The following ACOX3 variants were observed in gnomAD, a reference collection of about 807,000 sequenced individuals.
ACOX3 encodes acyl-CoA oxidase 3, pristanoyl.
In ACOX3, 73 loss-of-function variants were observed where a neutral mutation model predicts 81.5. The observed-to-expected ratio is 0.90, with a 90% CI of 0.74 to 1.09. The LOEUF (loss-of-function observed/expected upper bound fraction) is 1.09, where lower values mean the gene tolerates loss of function less well. Among genes scored for constraint, ACOX3 ranks in the 50% least tolerant of loss-of-function variants. ACOX3 has a pLI of 0.00. For missense variants in ACOX3, 947 were observed against 928.0 expected, an observed-to-expected ratio of 1.02 and a Z score of -0.27; for synonymous variants, 387 against 375.1, an observed-to-expected ratio of 1.03 and a Z score of -0.37.
rs767535582 is a variant in ACOX3, at chr4:8,410,963, T to A, written c.544-608A>T. Among the ~76,000 whole-genome samples the A allele has an allele frequency of 2.0e-5, 3 of 152,220 alleles. No homozygotes were observed. In the South Asian group the frequency reaches 6.2e-4, roughly 32 times the overall value. ...GTTCGGTGTTTGGCTAGAAGGGGTG[T>A]GGACAGATCCCCAAGGAACACTGAG... On this transcript the variant is annotated intron_variant, in intron 5 of 17. Transcript: ENST00000356406.
rs1720866285 is a variant in ACOX3, at chr4:8,405,784, A to G, written c.776+171T>C. Among the ~76,000 whole-genome samples, 1 of 152,194 alleles carries G rather than the reference A, an allele frequency of 6.6e-6. No individual in the cohort carries two copies. Among genetic ancestry groups the G allele is most frequent in the African/African-American group, 2.4e-5 (1 of 41,444 alleles). On this transcript the variant is annotated intron_variant, in intron 7 of 17. Coordinates refer to ENST00000356406, the MANE Select transcript of ACOX3 (RefSeq NM_003501.3). This position sits in a 1 kb window ranked among gnomAD's most constrained non-coding sequence, Gnocchi z 7.1. ...AAGTTGGCCTCCCAAAGTGGAGTTC[A>G]AGCAGGACGTGGCCAGTGCATGCAC...
chr4:8,409,174 A>C (rs754972387), intron 6 of ACOX3, among the ~76,000 whole-genome samples: 2 of 152,266 alleles, frequency 1.3e-5, no homozygotes, highest in Non-Finnish European at 1.5e-5. Context: ...CATGAGCAAC[A>C]AAAGAAAAAA....
At chr4:8,363,808 T>C (rs570786313), downstream of ACOX3, among the ~76,000 whole-genome samples, 6 of 152,012 alleles carry the variant, frequency 3.9e-5, no homozygotes, top group Non-Finnish European at 5.9e-5. Flanking sequence ...AACCTCTCGT[T>C]GTCCTCACTG....
chr4:8,377,750 T>C (rs917004632), intron 14 of ACOX3, among the ~76,000 whole-genome samples: 2 of 152,140 alleles, frequency 1.3e-5, no homozygotes, highest in African/African-American at 4.8e-5. Context: ...ACCACAGCAT[T>C]AACCAAGGTG....
chr4:8,391,961 G>T (rs991665517), intron 11 of ACOX3, among the ~76,000 whole-genome samples: 5 of 152,238 alleles, frequency 3.3e-5, no homozygotes, highest in African/African-American at 9.6e-5. Context: ...AAATTCAAAT[G>T]AGCAGATCAG....
Position 8,389,718 on chromosome 4 carries a change from G to A in ACOX3, c.1317C>T (p.Val439=), listed in dbSNP as rs375898726. ...AGTTGGGATCGTTGTCATCTCTAAG[G>A]ACACCCAACCGGTTCACTGCAACAA... ...HGYLAMNRLG[V]LRDDNDPNCT... is the part of the protein sequence containing the mutation. Residue 439 remains valine (V), a synonymous_variant, in exon 12 of 18, where the codon GTC becomes GTT. Transcript: ENST00000356406. This position sits in a 1 kb window ranked among gnomAD's most constrained non-coding sequence, Gnocchi z 5.3. 43 of 1,613,830 alleles carry A rather than the reference G, an allele frequency of 2.7e-5. No individual in the cohort carries two copies. The highest frequency in any genetic ancestry group is 3.6e-5 in the Non-Finnish European group (42 of 1,179,980).
chr4:8,421,727 C>T (rs915714303), intron 1 of ACOX3, among the ~76,000 whole-genome samples: 1 of 152,170 alleles, frequency 6.6e-6, no homozygotes, highest in African/African-American at 2.4e-5. Flanking sequence ...GGGTATGAAC[C>T]CAGGGAGTCT....
intron 14 of ACOX3, among the ~76,000 whole-genome samples, chr4:8,377,437 A>G (rs1213333830): frequency 6.6e-6 from 1 of 151,744 alleles, no homozygotes; most frequent in Non-Finnish European, 1.5e-5. Flanking sequence ...AGTGCCAGTG[A>G]GTTTTGAAAC....
At chr4:8,436,807 C>A (rs2631728) in intron 1 of ACOX3, among the ~76,000 whole-genome samples, 51,592 of 148,984 alleles carry the variant, frequency 0.35, 9,757 homozygotes, top group South Asian at 0.46. Context: ...CATGGTGAAA[C>A]CCTGTCTCTA....
At chr4:8,435,053 AT>A in intron 1 of ACOX3, among the ~76,000 whole-genome samples, 1 of 152,344 alleles carries the variant, frequency 6.6e-6, no homozygotes, top group East Asian at 1.9e-4. Flanking sequence ...TTAAAAAAAA[AT>A]TTCAAGAAGA....
At chr4:8,374,942 T>C in intron 15 of ACOX3, 36 bp downstream of exon 15, 1 of 1,466,082 alleles carries the variant, frequency 6.8e-7, no homozygotes, top group South Asian at 1.4e-5. Context: ...GCCCTGACTC[T>C]GGGGAGGACA....
chr4:8,434,400 G>A (rs1486837955), intron 1 of ACOX3, among the ~76,000 whole-genome samples: 3 of 152,252 alleles, frequency 2.0e-5, no homozygotes, highest in African/African-American at 4.8e-5. Flanking sequence ...TTCCCTGACT[G>A]AGAAGCGAGG....
At chr4:8,427,278 C>T (rs1000905105) in intron 1 of ACOX3, among the ~76,000 whole-genome samples, 3 of 152,352 alleles carry the variant, frequency 2.0e-5, no homozygotes, top group Middle Eastern at 3.4e-3. Context: ...CAAGCCGAAT[C>T]GGGCAACCCT....
chr4:8,365,144 A>C (rs1715338617), downstream of ACOX3, among the ~76,000 whole-genome samples: 1 of 152,176 alleles, frequency 6.6e-6, no homozygotes, highest in Non-Finnish European at 1.5e-5. Flanking sequence ...TGGGACCCCC[A>C]GGCAGTGGGG....
At position 8,400,824 on chromosome 4, in the gene ACOX3, G is replaced by C. The variant is rs563707512; in HGVS notation, c.777-1172C>G. ...TGGAAGACAATTTTTCCACGAATGAGGGGGAGGTGGGAGTGGTTTCGGGAT... is the reference window on the plus strand; with the variant it reads ...TGGAAGACAATTTTTCCACGAATGACGGGGAGGTGGGAGTGGTTTCGGGAT... On this transcript the variant is annotated intron_variant, in intron 7 of 17. Coordinates refer to ENST00000356406, the MANE Select transcript of ACOX3 (RefSeq NM_003501.3). The surrounding 1 kb of genome is among the most constrained non-coding windows in gnomAD (Gnocchi z 4.4). Among the ~76,000 whole-genome samples the C allele has an allele frequency of 4.6e-5, 7 of 152,316 alleles. No homozygotes were observed. The South Asian group carries it at 1.5e-3, about 32-fold the overall frequency.
At chr4:8,410,854 G>T (rs569379179) in intron 5 of ACOX3, among the ~76,000 whole-genome samples, 96 of 152,352 alleles carry the variant, frequency 6.3e-4, no homozygotes, top group African/African-American at 2.2e-3. Flanking sequence ...AATGCCCCGA[G>T]CACAAGGCAG....
chr4:8,396,882 G>A (rs753759499), intron 9 of ACOX3, 55 bp downstream of exon 9: 6 of 1,568,432 alleles, frequency 3.8e-6, no homozygotes, highest in Non-Finnish European at 4.3e-6. Flanking sequence ...TGTAAAAGAA[G>A]TGAATTTGCA....
At position 8,405,524 on chromosome 4, in the gene ACOX3, C is replaced by A. The variant is rs929808677; in HGVS notation, c.776+431G>T. Among the ~76,000 whole-genome samples, 1 of 152,236 alleles carries A rather than the reference C, an allele frequency of 6.6e-6. No individual in the cohort carries two copies. The highest frequency in any genetic ancestry group is 1.5e-5 in the Non-Finnish European group (1 of 68,052). On this transcript the variant is annotated intron_variant, in intron 7 of 17. Coordinates refer to ENST00000356406, the MANE Select transcript of ACOX3 (RefSeq NM_003501.3). The surrounding 1 kb of genome is among the most constrained non-coding windows in gnomAD (Gnocchi z 7.1). ...TAAGTGCTGTGACACTGGGATTACC[C>A]GGAAAGGAGCAAGCCTACTCTGGAG... is the stretch of plus-strand genomic sequence containing the variant.
chr4:8,389,351 T>G lies in ACOX3; in HGVS notation c.1424-65A>C. The G allele has an allele frequency of 1.3e-6, 2 of 1,496,050 alleles. No homozygotes were observed. The highest frequency in any genetic ancestry group is 1.8e-6 in the Non-Finnish European group (2 of 1,092,560). 92.7% of individuals were successfully genotyped at this position (1,496,050 alleles called of 1,614,324 possible). A position where few individuals can be genotyped will look rare whatever the true frequency, so the allele number is the denominator to read the frequency against. On this transcript the variant is annotated intron_variant, in intron 12 of 17. Coordinates refer to ENST00000356406, the MANE Select transcript of ACOX3 (RefSeq NM_003501.3). The surrounding 1 kb of genome is among the most constrained non-coding windows in gnomAD (Gnocchi z 5.3). ...ACCCAAACCATTGGGAACCCCAAGC[T>G]GGGGGCACCCCAAAGCACAGAGAGT...
Sources: allele counts gnomAD v4.1 joint callset (sites outside exome capture counted in the v4.1 genomes callset), GRCh38; gene constraint gnomAD v4.1.1; non-coding constraint Gnocchi (gnomAD v3.1); transcripts MANE v1.5; gene names NCBI Gene and HGNC (gene_info 2026-07-23, HGNC 2026-07-21).